SAMMSON: variants seen among roughly 807,000 people sequenced by gnomAD.
SAMMSON encodes long intergenic non-protein coding RNA 1212.
At position 70,002,068 on chromosome 3, in the gene SAMMSON, C is replaced by T. The variant is rs116172856; in HGVS notation, n.22+2201C>T. Among the ~76,000 whole-genome samples the T allele has an allele frequency of 3.5e-3, 536 of 152,250 alleles. 1 individual carries two copies. The highest frequency in any genetic ancestry group is 4.3e-3 in the Non-Finnish European group (294 of 68,004). On this transcript the variant is annotated intron_variant and non_coding_transcript_variant, in intron 1 of 9. Coordinates refer to ENST00000642114, the Ensembl canonical transcript of SAMMSON. The stretch of plus-strand genomic sequence containing the variant: ...ACTCTCGGTCATTGCCTGCATGAGT[C>T]TTCTTTATATGGATGTATCACAGTT...
intron 6 of SAMMSON, among the ~76,000 whole-genome samples, chr3:70,270,163 C>T (rs906019450): frequency 3.3e-5 from 5 of 151,992 alleles, no homozygotes; most frequent in South Asian, 2.1e-4. Flanking sequence ...ATTTGGAATA[C>T]GTAGACAAGT....
intron 9 of SAMMSON, among the ~76,000 whole-genome samples, chr3:70,371,743 T>C (rs1702972025): frequency 6.6e-6 from 1 of 152,146 alleles, no homozygotes; most frequent in Non-Finnish European, 1.5e-5. Flanking sequence ...GTGGAGTCTT[T>C]TGGTTTTTCT....
chr3:70,333,428 C>T (rs941033744), intron 7 of SAMMSON, among the ~76,000 whole-genome samples: 36 of 151,838 alleles, frequency 2.4e-4, no homozygotes, highest in Non-Finnish European at 4.9e-4. Context: ...ATGTATAAAA[C>T]ATATACTTTT....
At chr3:70,226,831 T>A (rs1046589547) in intron 4 of SAMMSON, among the ~76,000 whole-genome samples, 3 of 151,070 alleles carry the variant, frequency 2.0e-5, no homozygotes, top group Admixed American at 2.0e-4. Flanking sequence ...AATATGGAAG[T>A]GTAAAAAAAA....
intron 4 of SAMMSON, among the ~76,000 whole-genome samples, chr3:70,111,181 A>G (rs1033722420): frequency 1.4e-4 from 22 of 152,210 alleles, no homozygotes; most frequent in Admixed American, 1.2e-3. Flanking sequence ...TGGGATGTCT[A>G]GGTCTTGCAA....
intron 3 of SAMMSON, among the ~76,000 whole-genome samples, chr3:70,026,100 C>T (rs746400742): frequency 3.3e-5 from 5 of 152,160 alleles, no homozygotes; most frequent in South Asian, 2.1e-4. Flanking sequence ...TTTGGAAAAT[C>T]GTTTAATGAC....
chr3:70,274,772 A>G (rs555393572), intron 6 of SAMMSON, among the ~76,000 whole-genome samples: 2 of 152,338 alleles, frequency 1.3e-5, no homozygotes, highest in South Asian at 4.1e-4. Flanking sequence ...ATATAAAAAT[A>G]TTTTAAAAAG....
At chr3:70,325,795 A>G (rs1474521739) in intron 7 of SAMMSON, among the ~76,000 whole-genome samples, 2 of 152,142 alleles carry the variant, frequency 1.3e-5, no homozygotes, top group Non-Finnish European at 2.9e-5. Flanking sequence ...CAGATTGTAA[A>G]TCACATCTCT....
At chr3:70,163,914 G>A (rs2067626374) in intron 4 of SAMMSON, among the ~76,000 whole-genome samples, 1 of 152,050 alleles carries the variant, frequency 6.6e-6, no homozygotes, top group Non-Finnish European at 1.5e-5. Context: ...GCACAGATAT[G>A]AAAGTTCCCA....
intron 4 of SAMMSON, among the ~76,000 whole-genome samples, chr3:70,096,774 T>C (rs2067324482): frequency 6.6e-6 from 1 of 152,202 alleles, no homozygotes; most frequent in Non-Finnish European, 1.5e-5. Flanking sequence ...ATTGTCCATG[T>C]AGCTCCTCAT....
chr3:70,335,923 A>T (rs1702656698), intron 7 of SAMMSON, among the ~76,000 whole-genome samples: 1 of 151,970 alleles, frequency 6.6e-6, no homozygotes, highest in Admixed American at 6.6e-5. Flanking sequence ...TTGGAAAAAA[A>T]AAGAGAATTC....
intron 6 of SAMMSON, among the ~76,000 whole-genome samples, chr3:70,267,568 A>G (rs1701928941): frequency 1.0e-5 from 1 of 99,492 alleles, no homozygotes; most frequent in Admixed American, 1.3e-4. Context: ...ATGCCCGGCT[A>G]ATTTTTTGTA....
intron 7 of SAMMSON, among the ~76,000 whole-genome samples, chr3:70,327,263 C>T (rs1702586448): frequency 6.6e-6 from 1 of 152,182 alleles, no homozygotes; most frequent in Admixed American, 6.5e-5. Context: ...TGCTTTTCCA[C>T]CATAAACAAC....
At chr3:70,143,639 C>G (rs6549276) in intron 4 of SAMMSON, among the ~76,000 whole-genome samples, 108,946 of 151,916 alleles carry the variant, frequency 0.72, 39,459 homozygotes, top group Non-Finnish European at 0.76. Flanking sequence ...TGAAGTAACA[C>G]TCCAGCAGTT....
At position 70,053,290 on chromosome 3, in the gene SAMMSON, C is replaced by T. The variant is rs9831079; in HGVS notation, n.418-18186C>T. On this transcript the variant is annotated intron_variant and non_coding_transcript_variant, in intron 3 of 9. Transcript: ENST00000642114. The stretch of plus-strand genomic sequence containing the variant: ...CTCTTGAATTACATTAACCACTGCT[C>T]ACTGATAGGGAGCCTGTAGCCTTTT... Among the ~76,000 whole-genome samples the T allele has an allele frequency of 7.2e-3, 1,090 of 152,234 alleles. 14 individuals are homozygous for T. The highest frequency in any genetic ancestry group is 0.025 in the African/African-American group (1,033 of 41,564).
At chr3:70,191,040 G>A (rs1701128237) in intron 4 of SAMMSON, among the ~76,000 whole-genome samples, 1 of 152,140 alleles carries the variant, frequency 6.6e-6, no homozygotes, top group Non-Finnish European at 1.5e-5. Flanking sequence ...TTTAAATGAT[G>A]AGTAGCTTAG....
chr3:70,229,082 T>A (rs1217908179), intron 4 of SAMMSON, among the ~76,000 whole-genome samples: 2 of 152,210 alleles, frequency 1.3e-5, no homozygotes, highest in Non-Finnish European at 2.9e-5. Flanking sequence ...GATGAACCAA[T>A]AACTGAATTT....
At chr3:70,335,623 A>G (rs1488643299) in intron 7 of SAMMSON, among the ~76,000 whole-genome samples, 2 of 151,954 alleles carry the variant, frequency 1.3e-5, no homozygotes, top group Non-Finnish European at 2.9e-5. Flanking sequence ...CCATTGATAT[A>G]CTGTAGGTGT....
intron 6 of SAMMSON, among the ~76,000 whole-genome samples, chr3:70,252,415 A>C (rs1559545429): frequency 6.6e-6 from 1 of 152,170 alleles, no homozygotes; most frequent in Non-Finnish European, 1.5e-5. Context: ...GTCTTAACTG[A>C]GGACATAAAC....
Sources: gnomAD v4.1 joint callset for allele counts (sites outside exome capture counted in the v4.1 genomes callset) on GRCh38, gnomAD v4.1.1 for gene constraint, MANE v1.5 for transcripts, NCBI Gene and HGNC (gene_info 2026-07-23, HGNC 2026-07-21) for gene names.